The following POLR1A variants were observed in gnomAD, a reference collection of about 807,000 sequenced individuals.
POLR1A encodes DNA-directed RNA polymerase I subunit RPA1.
A neutral mutation model predicts 205.3 loss-of-function variants in POLR1A; 84 were observed. That is an observed-to-expected ratio of 0.41 (90% CI 0.34 to 0.49). The LOEUF (loss-of-function observed/expected upper bound fraction) is 0.49. Among genes scored for constraint, POLR1A ranks in the 20% least tolerant of loss-of-function variants. The probability of loss-of-function intolerance (pLI) is 0.22; values close to 1 mark genes in which losing one functional copy is unlikely to be tolerated. For missense variants in POLR1A, 1,645 were observed against 2,204.5 expected, an observed-to-expected ratio of 0.75 and a Z score of 5.08; for synonymous variants, 799 against 863.7, an observed-to-expected ratio of 0.93 and a Z score of 1.31.
chr2:86,089,279 CAT>C (rs1428237822), intron 4 of POLR1A, among the ~76,000 whole-genome samples: 1 of 152,220 alleles, frequency 6.6e-6, no homozygotes, highest in East Asian at 1.9e-4. Context: ...AGTCCAGCCA[CAT>C]GAGTGGCTCT....
intron 1 of POLR1A, 111 bp downstream of exon 1, chr2:86,105,589 G>C: frequency 2.9e-6 from 2 of 691,398 alleles, no homozygotes; most frequent in Non-Finnish European, 5.0e-6. Context: ...ACAAGCGCCA[G>C]ACAAGCCTGG....
In POLR1A at chr2:86,052,887, G is replaced by C; in HGVS notation, c.2322C>G (p.Ser774Arg). 1 of 1,607,504 alleles carries C rather than the reference G, an allele frequency of 6.2e-7. No individual in the cohort carries two copies. The highest frequency in any genetic ancestry group is 8.5e-7 in the Non-Finnish European group (1 of 1,176,870). The change falls in exon 16 of 34, where the codon AGC becomes AGG. Residue 774 changes from serine (S) to arginine (R), a missense_variant. Ser to Arg is a moderately radical substitution (Grantham distance 110). Coordinates refer to ENST00000263857, the MANE Select transcript of POLR1A (RefSeq NM_015425.6). ...CCYEIYGGET[S>R]GKVLTCLARL... ...GGGCCAGGCAGGTTAGAACCTTGCC[G>C]CTGGTCTCGCCTCCATAGATCTCAT...
At chr2:86,060,354 T>C (rs77550688) in intron 14 of POLR1A, among the ~76,000 whole-genome samples, 2,510 of 151,796 alleles carry the variant, frequency 0.017, 46 homozygotes, top group East Asian at 0.1. Context: ...CCCAAAATAG[T>C]TGACAGTCTT....
At position 86,020,720 on chromosome 2, in the gene POLR1A, G is replaced by A. The variant is rs1386847826; in HGVS notation, c.*6703C>T. ...TTGGGGCTGGACAATTCTTTGCTGT[G>A]GAGACTGTCCTGTGGACTGTAGTTT... On this transcript the variant is annotated 3_prime_UTR_variant, in exon 34 of 34. Transcript: ENST00000263857. 2 of 152,162 alleles carry A rather than the reference G, an allele frequency of 1.3e-5. No homozygotes were observed. The highest frequency in any genetic ancestry group is 3.8e-4 in the East Asian group (2 of 5,198). 9.4% of individuals were successfully genotyped at this position (152,162 alleles called of 1,614,324 possible). A position where few individuals can be genotyped will look rare whatever the true frequency, so the allele number is the denominator to read the frequency against.
In POLR1A at chr2:86,083,150, A is replaced by G; in HGVS notation, c.749T>C (p.Ile250Thr). 4 of 1,613,666 alleles carry G rather than the reference A, an allele frequency of 2.5e-6. No individual in the cohort carries two copies. In the East Asian group the frequency reaches 8.9e-5, roughly 36 times the overall value. Residue 250 changes from isoleucine (I) to threonine (T), a missense_variant, in exon 7 of 34, where the codon ATA becomes ACA. This residue lies in a region of POLR1A where 330 missense variants were observed against 375.6 expected (regional missense o/e 0.88). Coordinates refer to ENST00000263857, the MANE Select transcript of POLR1A (RefSeq NM_015425.6). ...SEPLGIEEAQ[I>T]GKRGYLTPTS... ...GGGTGTTAAGTATCCTCGTTTTCCT[A>G]TCTGAGCTTCCTCAATTCCTGGAGC...
intron 1 of POLR1A, among the ~76,000 whole-genome samples, chr2:86,101,732 A>C (rs771789082): frequency 5.3e-5 from 8 of 152,038 alleles, no homozygotes; most frequent in Non-Finnish European, 1.0e-4. Context: ...TACCATCACC[A>C]CTCTCCATCT....
At chr2:86,090,053 C>A (rs1673574268) in intron 3 of POLR1A, 124 bp from the exon 4 acceptor site, 4 of 622,332 alleles carry the variant, frequency 6.4e-6, no homozygotes, top group South Asian at 3.9e-5. Flanking sequence ...GAAACTATGG[C>A]TACTGTGTTG....
chr2:86,096,866 T>A lies in POLR1A; in HGVS notation c.432+1745A>T, dbSNP rs971428093. ...GGCAACAAAAGCCAAAATAAACAAA[T>A]GAGATTTTATCAAACTAAGCTTCTG... On this transcript the variant is annotated intron_variant, in intron 3 of 33. Transcript: ENST00000263857. Among the ~76,000 whole-genome samples, 4 of 152,012 alleles carry A rather than the reference T, an allele frequency of 2.6e-5. No homozygotes were observed. In the South Asian group the frequency reaches 8.3e-4, roughly 32 times the overall value.
In POLR1A at chr2:86,065,324, G is replaced by A. The variant is rs759371768; in HGVS notation, c.2008C>T (p.Leu670Phe). 1.2e-6 allele frequency: 2 copies of A among 1,614,176 alleles called. No homozygotes were observed. The highest frequency in any genetic ancestry group is 1.7e-6 in the Non-Finnish European group (2 of 1,180,020). ...GLTDKVGRVKLLSPSILKPFP... is the reference protein window; with the variant it reads ...GLTDKVGRVKFLSPSILKPFP... ...GGCTTCAGGATGGAAGGAGAAAGGAGCTTCACGCGCCCCACTTTGTCCGTG... is the reference window on the plus strand; with the variant it reads ...GGCTTCAGGATGGAAGGAGAAAGGAACTTCACGCGCCCCACTTTGTCCGTG... The change falls in exon 14 of 34, where the codon CTC becomes TTC. Residue 670 changes from leucine to phenylalanine, a missense_variant. By Grantham distance (22) the Leu-to-Phe change is conservative (BLOSUM62 0). This residue lies in a region of POLR1A where 339 missense variants were observed against 415.1 expected (regional missense o/e 0.82). Transcript: ENST00000263857.
At chr2:86,027,612 C>T (rs1672293012) in intron 33 of POLR1A, 89 bp from the exon 34 acceptor site, 9 of 1,198,490 alleles carry the variant, frequency 7.5e-6, no homozygotes, top group South Asian at 3.7e-5. Flanking sequence ...ACTGAAGTCT[C>T]GGGACTCAGG....
chr2:86,054,320 A>C (rs1486913142), intron 14 of POLR1A, 31 bp from the exon 15 acceptor site: 1 of 1,608,782 alleles, frequency 6.2e-7, no homozygotes, highest in African/African-American at 1.3e-5. Flanking sequence ...AACTGATGGC[A>C]AAAAGAAAAG....
At chr2:86,047,130 C>T (rs1260383044) in intron 19 of POLR1A, 35 bp downstream of exon 19, 6 of 1,468,394 alleles carry the variant, frequency 4.1e-6, no homozygotes, top group Non-Finnish European at 5.7e-6. Flanking sequence ...CCTTTGCTGA[C>T]ACCTGTAAAG....
rs1470414241 is a variant in POLR1A at position 86,031,548 on chromosome 2, C to T, written c.4360G>A (p.Glu1454Lys). ...TGCTCTTGGGTCTTTCGAGCACCTT[C>T]CCTGTGGGGATTTCGTTCCTCCTGC... The part of the protein sequence containing the change: ...DMQEERNPHR[E>K]GARKTQEQDE... Residue 1454 changes from glutamate to lysine, a missense_variant, in exon 30 of 34, where the codon GAA becomes AAA. By Grantham distance (56) the Glu-to-Lys change is moderately conservative (BLOSUM62 1). Around this residue, in one of 16 missense-constraint regions of POLR1A, gnomAD observed 394 missense variants for 468.5 expected, o/e 0.84. Coordinates refer to ENST00000263857, the MANE Select transcript of POLR1A (RefSeq NM_015425.6). The T allele has an allele frequency of 6.2e-7, 1 of 1,614,078 alleles. No individual in the cohort carries two copies. The highest frequency in any genetic ancestry group is 8.5e-7 in the Non-Finnish European group (1 of 1,180,034).
At chr2:86,085,832 G>A (rs977890590) in intron 6 of POLR1A, among the ~76,000 whole-genome samples, 1 of 152,190 alleles carries the variant, frequency 6.6e-6, no homozygotes, top group African/African-American at 2.4e-5. Flanking sequence ...GCTGTAAGAG[G>A]TGCCATAGGA....
chr2:86,052,700 C>T (rs1287471534), intron 16 of POLR1A, 117 bp downstream of exon 16: 2 of 811,292 alleles, frequency 2.5e-6, no homozygotes, highest in Non-Finnish European at 3.7e-6. Flanking sequence ...CCACTGGGAA[C>T]ACACAGAAGC....
At chr2:86,040,236 T>C in intron 25 of POLR1A, 156 bp downstream of exon 25, 1 of 589,134 alleles carries the variant, frequency 1.7e-6, no homozygotes, top group South Asian at 4.2e-5. Flanking sequence ...CTCTGGAAAT[T>C]CTAACCCTGA....
chr2:86,044,095 A>T (rs780888214), intron 22 of POLR1A, 44 bp downstream of exon 22: 1 of 1,585,616 alleles, frequency 6.3e-7, no homozygotes, highest in South Asian at 1.1e-5. Flanking sequence ...TCGGTGGGGG[A>T]GGCCTACTGC....
chr2:86,027,656 G>A (rs898619997), intron 33 of POLR1A, 133 bp from the exon 34 acceptor site: 98 of 865,920 alleles, frequency 1.1e-4, no homozygotes, highest in Non-Finnish European at 1.8e-4. Flanking sequence ...ATGGGATCAC[G>A]AGGCAGCCCC....
intron 16 of POLR1A, 22 bp downstream of exon 16, chr2:86,052,795 G>A: frequency 1.3e-6 from 2 of 1,485,134 alleles, no homozygotes; most frequent in South Asian, 2.7e-5. Context: ...CACTGCCCCA[G>A]GGCAGCGAGC....
Sources: gnomAD v4.1 joint callset for allele counts (sites outside exome capture counted in the v4.1 genomes callset) on GRCh38, gnomAD v4.1.1 for gene constraint, gnomAD v4.1.1 regional missense constraint, MANE v1.5 for transcripts, NCBI Gene and HGNC (gene_info 2026-07-23, HGNC 2026-07-21) for gene names.